Variants in GUCY2C observed in about 807,000 individuals in gnomAD.
The protein encoded by GUCY2C is guanylate cyclase 2C.
A neutral mutation model predicts 131.1 loss-of-function variants in GUCY2C; 118 were observed. The ratio of observed to expected loss-of-function variants is 0.90; its 90% CI spans 0.78 to 1.05. The LOEUF (loss-of-function observed/expected upper bound fraction) is 1.05. GUCY2C is among the 50% of genes least tolerant of loss of function. The pLI, the probability that GUCY2C is intolerant of heterozygous loss-of-function variation, is 0.00. For missense variants in GUCY2C, 1,161 were observed against 1,304.4 expected (o/e 0.89, Z 1.69); for synonymous variants, 452 against 457.8 (o/e 0.99, Z 0.16).
intron 10 of GUCY2C, 61 bp from the exon 11 acceptor site, chr12:14,661,123 T>G: frequency 9.7e-7 from 1 of 1,028,290 alleles, no homozygotes; most frequent in South Asian, 1.3e-5. Flanking sequence ...TTTCCAAGAT[T>G]CTAGCTGTAC....
At position 14,639,923 on chromosome 12, in the gene GUCY2C, T is replaced by C. The variant is rs112675050; in HGVS notation, c.2096A>G (p.Asn699Ser). The change falls in exon 19 of 27, where the codon AAT (asparagine) becomes AGT (serine). Residue 699 changes from asparagine to serine, a missense_variant. Asn to Ser is a conservative substitution (Grantham distance 46). Coordinates refer to ENST00000261170, the MANE Select transcript of GUCY2C (RefSeq NM_004963.4). ...ATCTGGGCGGAAGGGTTTCATTCCA[T>C]TGGAATTTTCCACTCTGAAAATCTT... ...NEKIFRVENS[N>S]GMKPFRPDLF... The C allele has an allele frequency of 5.3e-5, 85 of 1,611,012 alleles. No homozygotes were observed. In the East Asian group the frequency reaches 5.8e-4, roughly 11 times the overall value.
chr12:14,627,175 G>A (rs564206630), intron 20 of GUCY2C, among the ~76,000 whole-genome samples: 16 of 152,324 alleles, frequency 1.1e-4, no homozygotes, highest in African/African-American at 3.6e-4. Flanking sequence ...AGGCACAATT[G>A]AAGGTGCTGA....
chr12:14,655,965 A>T (rs1231305465), intron 12 of GUCY2C, among the ~76,000 whole-genome samples: 1 of 152,164 alleles, frequency 6.6e-6, no homozygotes, highest in Non-Finnish European at 1.5e-5. Flanking sequence ...CAGTTTCCTC[A>T]TCAGCAAAAT....
Position 14,613,323 on chromosome 12 carries a change from TTC to T in GUCY2C, c.3048-34_3048-33del. 6.6e-7 allele frequency: 1 copy of T among 1,510,798 alleles called. No individual in the cohort carries two copies. The highest frequency in any genetic ancestry group is 9.2e-7 in the Non-Finnish European group (1 of 1,086,718). The allele number at this position is 1,510,798 out of a possible 1,614,324, so 93.6% of individuals were successfully genotyped here. A position where few individuals can be genotyped will look rare whatever the true frequency, so the allele number is the denominator to read the frequency against. On this transcript the variant is annotated intron_variant, in intron 26 of 26. Transcript: ENST00000261170. The surrounding 1 kb of genome is among the most constrained non-coding windows in gnomAD (Gnocchi z 4.9). ...ACAGAGTGGGAAGAGAAAATAGAAC[TTC>T]TCAGCAATTCATACAGAATATTCCT...
intron 10 of GUCY2C, among the ~76,000 whole-genome samples, chr12:14,663,286 C>A (rs1947905719): frequency 1.3e-5 from 2 of 152,260 alleles, no homozygotes; most frequent in South Asian, 4.1e-4. Flanking sequence ...GTGAATTTTT[C>A]TTTTTATTTT....
At chr12:14,679,252 G>C (rs1299292455) in intron 6 of GUCY2C, among the ~76,000 whole-genome samples, 1 of 152,086 alleles carries the variant, frequency 6.6e-6, no homozygotes, top group Non-Finnish European at 1.5e-5. Flanking sequence ...TTTTAATAGA[G>C]ATGGGGTCTC....
In GUCY2C at chr12:14,643,643, C is replaced by G; in HGVS notation, c.1861G>C (p.Val621Leu). The change falls in exon 17 of 27, where the codon GTA becomes CTA. Residue 621 changes from valine to leucine, a missense_variant. Coordinates refer to ENST00000261170, the MANE Select transcript of GUCY2C (RefSeq NM_004963.4). ...TTCACCACCATTCTACTGTCCACTA[C>G]GCAGTTGGTAGATTTCAGACGACCA... ...VHGRLKSTNCVVDSRMVVKIT... is the reference protein window; with the variant it reads ...VHGRLKSTNCLVDSRMVVKIT... 3.1e-6 allele frequency: 5 copies of G among 1,612,758 alleles called. No homozygotes were observed. The highest frequency in any genetic ancestry group is 1.3e-5 in the African/African-American group (1 of 74,974).
chr12:14,621,347 T>C, intron 22 of GUCY2C, 131 bp from the exon 23 acceptor site: 1 of 745,084 alleles, frequency 1.3e-6, no homozygotes, highest in South Asian at 1.8e-5. Flanking sequence ...CTTTACACTT[T>C]TTCTGGGGCC....
At chr12:14,649,978 T>A (rs1947609001) in intron 15 of GUCY2C, among the ~76,000 whole-genome samples, 1 of 152,206 alleles carries the variant, frequency 6.6e-6, no homozygotes, top group Non-Finnish European at 1.5e-5. Context: ...AATTTAATAG[T>A]CATGAAGTAT....
intron 1 of GUCY2C, among the ~76,000 whole-genome samples, chr12:14,692,947 T>C (rs1375619935): frequency 6.6e-6 from 1 of 152,214 alleles, no homozygotes; most frequent in Non-Finnish European, 1.5e-5. Flanking sequence ...ATTTTACTTT[T>C]ATGTGTACTG....
intron 11 of GUCY2C, among the ~76,000 whole-genome samples, chr12:14,657,231 A>C (rs750340864): frequency 4.5e-4 from 68 of 152,312 alleles, no homozygotes; most frequent in Admixed American, 5.9e-4. Flanking sequence ...ATGACATAGA[A>C]GGAGTGAGGA....
intron 10 of GUCY2C, among the ~76,000 whole-genome samples, chr12:14,666,496 A>C (rs545123712): frequency 1.1e-4 from 17 of 152,280 alleles, no homozygotes; most frequent in African/African-American, 3.6e-4. Context: ...GAACTTTGGG[A>C]GGCCGAGGCA....
chr12:14,630,813 TC>T (rs1947126595), intron 19 of GUCY2C, among the ~76,000 whole-genome samples: 1 of 152,184 alleles, frequency 6.6e-6, no homozygotes, highest in Non-Finnish European at 1.5e-5. Flanking sequence ...GAAATTTTAT[TC>T]CTCATTTCTA....
intron 21 of GUCY2C, among the ~76,000 whole-genome samples, chr12:14,623,817 G>A (rs1048156239): frequency 2.6e-5 from 4 of 152,068 alleles, no homozygotes; most frequent in Non-Finnish European, 4.4e-5. Flanking sequence ...CCTGCCATGC[G>A]AAGAAGGTGC....
chr12:14,657,692 A>T (rs896244488), intron 11 of GUCY2C, among the ~76,000 whole-genome samples: 16 of 152,272 alleles, frequency 1.1e-4, no homozygotes, highest in African/African-American at 3.8e-4. Context: ...TGCACTCCTT[A>T]TCCTTATGAG....
chr12:14,622,958 G>T (rs908412579), intron 21 of GUCY2C, among the ~76,000 whole-genome samples: 1 of 152,180 alleles, frequency 6.6e-6, no homozygotes, highest in Non-Finnish European at 1.5e-5. Flanking sequence ...TTGAGAAAAG[G>T]AAGTGAGGGC....
intron 19 of GUCY2C, among the ~76,000 whole-genome samples, chr12:14,633,960 A>G (rs1947207373): frequency 6.6e-6 from 1 of 152,216 alleles, no homozygotes. Context: ...CCAAAAGGCG[A>G]AGAGAAAACA....
intron 13 of GUCY2C, among the ~76,000 whole-genome samples, chr12:14,652,363 C>G (rs917475685): frequency 6.6e-6 from 1 of 151,858 alleles, no homozygotes; most frequent in East Asian, 1.9e-4. Flanking sequence ...TTAGGAGAAA[C>G]GGGGTTTTGC....
chr12:14,686,130 C>T (rs1257375433), intron 3 of GUCY2C, 31 bp downstream of exon 3: 1 of 1,353,398 alleles, frequency 7.4e-7, no homozygotes, highest in Non-Finnish European at 1.1e-6. Context: ...AATATCATGT[C>T]CTGACTTCAG....
Sources: gnomAD v4.1 joint callset for allele counts (sites outside exome capture counted in the v4.1 genomes callset) on GRCh38, gnomAD v4.1.1 for gene constraint, Gnocchi (gnomAD v3.1) non-coding constraint, MANE v1.5 for transcripts, NCBI Gene and HGNC (gene_info 2026-07-23, HGNC 2026-07-21) for gene names.